Variants in MDFIC2 observed in about 807,000 individuals in gnomAD.
The protein encoded by MDFIC2 is myoD family inhibitor domain-containing protein 2.
At chr3:70,201,414 A>G (rs1253691025) in intron 3 of MDFIC2, among the ~76,000 whole-genome samples, 1 of 151,984 alleles carries the variant, frequency 6.6e-6, no homozygotes, top group Non-Finnish European at 1.5e-5. Context: ...TCCATGGTAT[A>G]TATGTACCAC....
chr3:70,210,955 G>A (rs1701337307), intron 2 of MDFIC2, among the ~76,000 whole-genome samples: 1 of 152,076 alleles, frequency 6.6e-6, no homozygotes, highest in Non-Finnish European at 1.5e-5. Flanking sequence ...ACATGCAACA[G>A]ATGAATCAAT....
At chr3:70,295,838 T>C (rs986107191) in intron 2 of MDFIC2, among the ~76,000 whole-genome samples, 1 of 152,228 alleles carries the variant, frequency 6.6e-6, no homozygotes, top group Non-Finnish European at 1.5e-5. Flanking sequence ...ACCTTATTTT[T>C]TATGAAGCTG....
intron 2 of MDFIC2, among the ~76,000 whole-genome samples, chr3:70,241,018 C>T (rs983293436): frequency 3.9e-5 from 6 of 152,068 alleles, no homozygotes; most frequent in Non-Finnish European, 8.8e-5. Flanking sequence ...TCGTGTCCAC[C>T]CATTTTTACA....
chr3:70,253,718 A>G (rs2106654317), intron 2 of MDFIC2, among the ~76,000 whole-genome samples: 1 of 152,312 alleles, frequency 6.6e-6, no homozygotes, highest in South Asian at 2.1e-4. Context: ...GCAAAACCCC[A>G]ACTCTAAAAA....
chr3:70,311,475 C>G (rs895543516), intron 2 of MDFIC2, among the ~76,000 whole-genome samples: 1 of 152,140 alleles, frequency 6.6e-6, no homozygotes, highest in Non-Finnish European at 1.5e-5. Context: ...AATGGTGATT[C>G]TATTTGTAGA....
intron 3 of MDFIC2, among the ~76,000 whole-genome samples, chr3:70,199,258 G>T (rs924940724): frequency 1.3e-5 from 2 of 152,102 alleles, no homozygotes; most frequent in African/African-American, 4.8e-5. Context: ...TCGTAAAGTG[G>T]TCTTATAATT....
chr3:70,297,556 T>C (rs1169188343), intron 2 of MDFIC2, among the ~76,000 whole-genome samples: 1 of 152,134 alleles, frequency 6.6e-6, no homozygotes, highest in East Asian at 1.9e-4. Flanking sequence ...CTGGGTACCC[T>C]GTGGAGCAAT....
At chr3:70,209,888 G>A (rs1701326267) in intron 2 of MDFIC2, among the ~76,000 whole-genome samples, 2 of 152,008 alleles carry the variant, frequency 1.3e-5, no homozygotes, top group Admixed American at 6.6e-5. Context: ...CACACTCAGG[G>A]AATCCTTCTT....
intron 2 of MDFIC2, among the ~76,000 whole-genome samples, chr3:70,253,083 G>T (rs574403221): frequency 6.7e-6 from 1 of 148,210 alleles, no homozygotes; most frequent in Admixed American, 6.7e-5. Context: ...TTTGCTCAAA[G>T]AAAAAAAAAA....
intron 2 of MDFIC2, among the ~76,000 whole-genome samples, chr3:70,292,774 A>G (rs1310916945): frequency 2.0e-5 from 3 of 152,048 alleles, no homozygotes; most frequent in Non-Finnish European, 2.9e-5. Context: ...AAAGAAAAGA[A>G]TTATTTTCTT....
At chr3:70,277,882 C>T (rs901484635) in intron 2 of MDFIC2, among the ~76,000 whole-genome samples, 4 of 152,136 alleles carry the variant, frequency 2.6e-5, no homozygotes, top group African/African-American at 4.8e-5. Context: ...GGAACTCAGT[C>T]TTAATCAGAG....
At chr3:70,303,068 A>G (rs1014468352) in intron 2 of MDFIC2, among the ~76,000 whole-genome samples, 2 of 152,198 alleles carry the variant, frequency 1.3e-5, no homozygotes, top group Admixed American at 6.5e-5. Flanking sequence ...GAAGGCCAAT[A>G]CATTTAAAGT....
At chr3:70,238,423 C>A (rs1701634173) in intron 2 of MDFIC2, among the ~76,000 whole-genome samples, 1 of 151,984 alleles carries the variant, frequency 6.6e-6, no homozygotes, top group East Asian at 1.9e-4. Flanking sequence ...AGCCTGGCAA[C>A]ATGTAGAAAT....
intron 2 of MDFIC2, among the ~76,000 whole-genome samples, chr3:70,249,832 T>C (rs1314380978): frequency 6.6e-6 from 1 of 152,134 alleles, no homozygotes; most frequent in Non-Finnish European, 1.5e-5. Context: ...CTGATGCCAG[T>C]GGTCATAAAA....
chr3:70,300,879 C>T (rs1702341921), intron 2 of MDFIC2, among the ~76,000 whole-genome samples: 1 of 151,958 alleles, frequency 6.6e-6, no homozygotes, highest in Non-Finnish European at 1.5e-5. Flanking sequence ...GTCCTATAAA[C>T]ACAGTATGTC....
intron 2 of MDFIC2, among the ~76,000 whole-genome samples, chr3:70,237,603 A>G (rs1166821484): frequency 6.6e-6 from 1 of 152,210 alleles, no homozygotes; most frequent in Non-Finnish European, 1.5e-5. Context: ...ACTCCCACAG[A>G]GCTAAACCTA....
At chr3:70,291,305 C>G (rs1485642013) in intron 2 of MDFIC2, 1 of 151,958 alleles carries the variant, frequency 6.6e-6, no homozygotes, top group Admixed American at 6.6e-5. Context: ...TAATAGCAGC[C>G]AACTCATTTT....
At chr3:70,289,654 T>C (rs1702209948) in intron 2 of MDFIC2, among the ~76,000 whole-genome samples, 1 of 151,792 alleles carries the variant, frequency 6.6e-6, no homozygotes, top group Non-Finnish European at 1.5e-5. Context: ...CTGCAGAGTG[T>C]TTTCCAACTT....
intron 2 of MDFIC2, among the ~76,000 whole-genome samples, chr3:70,210,022 C>A (rs1405243262): frequency 2.0e-5 from 3 of 152,038 alleles, no homozygotes; most frequent in South Asian, 2.1e-4. Flanking sequence ...AATTAACAAT[C>A]AGTTCAAATT....
Sources: allele counts gnomAD v4.1 joint callset (sites outside exome capture counted in the v4.1 genomes callset), GRCh38; gene constraint gnomAD v4.1.1; transcripts MANE v1.5; gene names NCBI Gene and HGNC (gene_info 2026-07-23, HGNC 2026-07-21).